Variants in GCHFR observed in about 807,000 individuals in gnomAD.
The protein encoded by GCHFR is GTP cyclohydrolase I feedback regulator.
A neutral mutation model predicts 10.6 loss-of-function variants in GCHFR; 12 were observed. The ratio of observed to expected loss-of-function variants is 1.13; its 90% CI spans 0.72 to 1.83. The LOEUF (loss-of-function observed/expected upper bound fraction) is 1.83, where lower values mean the gene tolerates loss of function less well. Among genes scored for constraint, GCHFR ranks in the 40% most tolerant of loss-of-function variants. GCHFR has a pLI of 0.00. For missense variants in GCHFR, 116 were observed against 110.6 expected (o/e 1.05, Z -0.22); for synonymous variants, 54 against 43.7 (o/e 1.24, Z -0.93).
chr15:40,764,332 C>T, intron 1 of GCHFR, 116 bp downstream of exon 1: 1 of 831,056 alleles, frequency 1.2e-6, no homozygotes, highest in Non-Finnish European at 1.7e-6. Flanking sequence ...GGGAACCCGC[C>T]CAGACACGCC....
chr15:40,766,852 A>T (rs1888960679), intron 2 of GCHFR: 2 of 162,322 alleles, frequency 1.2e-5, no homozygotes, highest in Non-Finnish European at 2.7e-5. Context: ...GGCTCACTGC[A>T]GCCTCAGCCT....
intron 2 of GCHFR, chr15:40,766,144 G>T: frequency 2.6e-6 from 1 of 379,548 alleles, no homozygotes; most frequent in Non-Finnish European, 4.8e-6. Context: ...ATCCTTACTG[G>T]AACCGCAGAA....
chr15:40,764,229 C>T lies in GCHFR; in HGVS notation c.36+13C>T. 6.5e-7 allele frequency: 1 copy of T among 1,550,006 alleles called. No individual in the cohort carries two copies. On this transcript the variant is annotated intron_variant, in intron 1 of 2. Coordinates refer to ENST00000260447, the MANE Select transcript of GCHFR (RefSeq NM_005258.3). ...CCAGATCCGCATGGTGAGTACCGGC[C>T]GCCTGGCGACTTGGAGCCGGGACCA...
At chr15:40,765,797 G>T (rs750548125) in intron 1 of GCHFR, 30 bp from the exon 2 acceptor site, 1 of 1,273,262 alleles carries the variant, frequency 7.9e-7, no homozygotes, top group East Asian at 2.5e-5. Flanking sequence ...CTGGCAGCCA[G>T]CCAAGCAGCC....
intron 1 of GCHFR, 76 bp downstream of exon 1, chr15:40,764,292 T>A: frequency 7.4e-7 from 1 of 1,351,666 alleles, no homozygotes; most frequent in South Asian, 1.4e-5. Flanking sequence ...CATGCCTCCC[T>A]CCTGGGCTGC....
intron 2 of GCHFR, 105 bp from the exon 3 acceptor site, chr15:40,767,121 G>T: frequency 8.2e-7 from 1 of 1,220,972 alleles, no homozygotes; most frequent in Non-Finnish European, 1.1e-6. Context: ...GCCAGCAAGT[G>T]TGAGTCACTA....
chr15:40,767,348 G>A lies in GCHFR; in HGVS notation c.254G>A (p.Ter85=). 2 of 1,596,870 alleles carry A rather than the reference G, an allele frequency of 1.3e-6. No homozygotes were observed. Among genetic ancestry groups the A allele is most frequent in the Non-Finnish European group, 1.7e-6 (2 of 1,173,044 alleles). ...CTGGTGTGGTGTCTGCACAAGGAGT[G>A]ACCTTCTCATGCTGATTTGCAGACG... ...QTLVWCLHKE[*] Residue 85 remains the stop codon, a stop_retained_variant, in exon 3 of 3, where the codon TGA becomes TAA. Transcript: ENST00000260447.
At chr15:40,766,803 G>A in intron 2 of GCHFR, 1 of 154,266 alleles carries the variant, frequency 6.5e-6, no homozygotes, top group Non-Finnish European at 1.4e-5. Context: ...TTGAAATGGA[G>A]TCTCTGTCGC....
In GCHFR at chr15:40,767,450, C is replaced by A; in HGVS notation, c.*101C>A. 1 of 1,326,544 alleles carries A rather than the reference C, an allele frequency of 7.5e-7. No homozygotes were observed. Among genetic ancestry groups the A allele is most frequent in the Non-Finnish European group, 1.0e-6 (1 of 983,176 alleles). The allele number at this position is 1,326,544 out of a possible 1,614,324, so 82.2% of individuals were successfully genotyped here. A position where few individuals can be genotyped will look rare whatever the true frequency, so the allele number is the denominator to read the frequency against. On this transcript the variant is annotated 3_prime_UTR_variant, in exon 3 of 3. Transcript: ENST00000260447. The stretch of plus-strand genomic sequence containing the variant: ...TCACCGTCTGCCTTGCTCCTCTCTT[C>A]CCAAATCATCACCGCCATGGGCCCA...
rs559661236 is a variant in GCHFR at position 40,765,653 on chromosome 15, A to G, written c.37-174A>G. ...GGCGCCTACATTGCTCCTCCTGATC[A>G]TTGATGGGCTCCACCCCTTCACAGC... On this transcript the variant is annotated intron_variant, in intron 1 of 2. Transcript: ENST00000260447. 8 of 399,500 alleles carry G rather than the reference A, an allele frequency of 2.0e-5. 1 individual carries two copies. The East Asian group carries it at 2.5e-4, about 13-fold the overall frequency. 24.7% of individuals were successfully genotyped at this position (399,500 alleles called of 1,614,324 possible). A position where few individuals can be genotyped will look rare whatever the true frequency, so the allele number is the denominator to read the frequency against.
chr15:40,765,086 C>T (rs979154534), intron 1 of GCHFR: 2 of 152,228 alleles, frequency 1.3e-5, no homozygotes, highest in African/African-American at 2.4e-5. Context: ...TCCTGGGTCC[C>T]TTCCCAGACC....
chr15:40,767,050 G>C, intron 2 of GCHFR, 176 bp from the exon 3 acceptor site: 1 of 506,724 alleles, frequency 2.0e-6, no homozygotes, highest in Non-Finnish European at 3.4e-6. Context: ...GAGATAGCTC[G>C]TGAAGTACCT....
chr15:40,767,370 G>A lies in GCHFR; in HGVS notation c.*21G>A. ...AGTGACCTTCTCATGCTGATTTGCA[G>A]ACGGGGCACCCCTGTGGAGGGGCTG... is the stretch of plus-strand genomic sequence containing the variant. On this transcript the variant is annotated 3_prime_UTR_variant, in exon 3 of 3. Transcript: ENST00000260447. 3 of 1,590,260 alleles carry A rather than the reference G, an allele frequency of 1.9e-6. No homozygotes were observed. The highest frequency in any genetic ancestry group is 2.7e-5 in the African/African-American group (2 of 73,548).
Position 40,767,209 on chromosome 15 carries a change from A to C in GCHFR, c.132-17A>C. ...CTGTGTGCCCCTCCTCACCCCCCCC[A>C]TCCTGTCTCTTTGCAGTTATGAATA... On this transcript the variant is annotated splice_polypyrimidine_tract_variant and intron_variant, in intron 2 of 2. Transcript: ENST00000260447. 2.0e-6 allele frequency: 3 copies of C among 1,486,256 alleles called. No homozygotes were observed. The highest frequency in any genetic ancestry group is 2.6e-5 in the East Asian group (1 of 37,790). 92.1% of individuals were successfully genotyped at this position (1,486,256 alleles called of 1,614,324 possible). A position where few individuals can be genotyped will look rare whatever the true frequency, so the allele number is the denominator to read the frequency against.
chr15:40,764,313 G>T (rs532898069), intron 1 of GCHFR, 97 bp downstream of exon 1: 82 of 1,140,596 alleles, frequency 7.2e-5, no homozygotes, highest in Non-Finnish European at 9.6e-5. Context: ...ACCCACCGGG[G>T]ACTGGACCGG....
At chr15:40,764,984 C>G (rs1215427127) in intron 1 of GCHFR, among the ~76,000 whole-genome samples, 1 of 152,178 alleles carries the variant, frequency 6.6e-6, no homozygotes, top group Non-Finnish European at 1.5e-5. Flanking sequence ...ACACAACCCC[C>G]TTGGTGGGTT....
chr15:40,766,029 C>T (rs1172475702), intron 2 of GCHFR, 108 bp downstream of exon 2: 2 of 498,472 alleles, frequency 4.0e-6, no homozygotes, highest in Non-Finnish European at 7.2e-6. Context: ...ATCAGAGCCC[C>T]CTGCCTGCAT....
chr15:40,765,531 C>T (rs1211980367), intron 1 of GCHFR: 4 of 230,350 alleles, frequency 1.7e-5, no homozygotes, highest in Non-Finnish European at 3.3e-5. Context: ...CAAACTCCTC[C>T]CACCTCAAGC....
chr15:40,764,234 G>A lies in GCHFR; in HGVS notation c.36+18G>A. Reference sequence around the variant, plus strand: ...TCCGCATGGTGAGTACCGGCCGCCTGGCGACTTGGAGCCGGGACCAGGCCC... The same window carrying A: ...TCCGCATGGTGAGTACCGGCCGCCTAGCGACTTGGAGCCGGGACCAGGCCC... On this transcript the variant is annotated intron_variant, in intron 1 of 2. Coordinates refer to ENST00000260447, the MANE Select transcript of GCHFR (RefSeq NM_005258.3). The A allele has an allele frequency of 6.5e-7, 1 of 1,549,528 alleles. No homozygotes were observed. The highest frequency in any genetic ancestry group is 8.7e-7 in the Non-Finnish European group (1 of 1,147,070).
Sources: allele counts gnomAD v4.1 joint callset (sites outside exome capture counted in the v4.1 genomes callset), GRCh38; gene constraint gnomAD v4.1.1; transcripts MANE v1.5; gene names NCBI Gene and HGNC (gene_info 2026-07-23, HGNC 2026-07-21).